CCDC85A: variants seen among roughly 807,000 people sequenced by gnomAD.
CCDC85A encodes coiled-coil domain-containing protein 85A.
Under a neutral mutation model 50.2 loss-of-function variants are expected in CCDC85A, and 38 were observed. The observed-to-expected ratio is 0.76, with a 90% CI of 0.58 to 0.99. The LOEUF is 0.99. Among genes scored for constraint, CCDC85A ranks in the 50% least tolerant of loss-of-function variants. CCDC85A has a pLI of 0.00. For missense variants in CCDC85A, 820 were observed against 742.0 expected, an observed-to-expected ratio of 1.11 and a Z score of -1.22; for synonymous variants, 366 against 301.4, an observed-to-expected ratio of 1.21 and a Z score of -2.22.
intron 3 of CCDC85A, among the ~76,000 whole-genome samples, chr2:56,349,839 A>G (rs1248057405): frequency 1.1e-4 from 16 of 152,054 alleles, no homozygotes; most frequent in Non-Finnish European, 1.5e-5. Flanking sequence ...TACATTCAAA[A>G]CTTTTTTTAT....
At chr2:56,318,004 T>A (rs1417993486) in intron 2 of CCDC85A, among the ~76,000 whole-genome samples, 1 of 152,102 alleles carries the variant, frequency 6.6e-6, no homozygotes, top group African/African-American at 2.4e-5. Flanking sequence ...ACACCTTCTT[T>A]TAGCATTTTT....
At chr2:56,361,588 A>G (rs769765364) in intron 3 of CCDC85A, among the ~76,000 whole-genome samples, 24 of 152,224 alleles carry the variant, frequency 1.6e-4, no homozygotes, top group Non-Finnish European at 3.1e-4. Flanking sequence ...ATCTGAGGAG[A>G]CTTGAATAAA....
chr2:56,385,627 G>T lies in CCDC85A; in HGVS notation c.*1272G>T, dbSNP rs879799422. The T allele has an allele frequency of 6.6e-6, 1 of 152,036 alleles. No homozygotes were observed. The highest frequency in any genetic ancestry group is 6.6e-5 in the Admixed American group (1 of 15,158). The allele number at this position is 152,036 out of a possible 1,614,324, so 9.4% of individuals were successfully genotyped here. A position where few individuals can be genotyped will look rare whatever the true frequency, so the allele number is the denominator to read the frequency against. ...GCAACAATTCCCAGTTTTTGGATAG[G>T]TTCTAAATTTCTGAGATTTGATTCA... On this transcript the variant is annotated 3_prime_UTR_variant, in exon 6 of 6. Transcript: ENST00000407595.
intron 1 of CCDC85A, among the ~76,000 whole-genome samples, chr2:56,191,120 T>A (rs1676279153): frequency 2.0e-5 from 3 of 152,228 alleles, no homozygotes; most frequent in Admixed American, 6.5e-5. Context: ...GGGATCATCT[T>A]CACTCAAATG....
At chr2:56,306,561 A>G (rs1334754137) in intron 2 of CCDC85A, among the ~76,000 whole-genome samples, 1 of 152,216 alleles carries the variant, frequency 6.6e-6, no homozygotes, top group Non-Finnish European at 1.5e-5. Flanking sequence ...GGGTTTCTCA[A>G]TTAATGACAT....
At chr2:56,341,244 C>A (rs759067572) in intron 2 of CCDC85A, among the ~76,000 whole-genome samples, 71 of 152,184 alleles carry the variant, frequency 4.7e-4, no homozygotes, top group Non-Finnish European at 7.9e-4. Flanking sequence ...ACGCTTGAGA[C>A]CACTCGCCCA....
chr2:56,214,827 T>C (rs1193645299), intron 2 of CCDC85A, among the ~76,000 whole-genome samples: 2 of 151,976 alleles, frequency 1.3e-5, no homozygotes, highest in African/African-American at 2.4e-5. Context: ...TCCAAATTTG[T>C]TCTTCTGTAT....
intron 2 of CCDC85A, among the ~76,000 whole-genome samples, chr2:56,341,172 G>A (rs76250813): frequency 0.13 from 19,317 of 152,138 alleles, 1,345 homozygotes; most frequent in East Asian, 0.3. Flanking sequence ...TCCCTTAGCC[G>A]TCTCGCATTT....
chr2:56,221,726 C>A (rs565183637), intron 2 of CCDC85A, among the ~76,000 whole-genome samples: 1 of 152,164 alleles, frequency 6.6e-6, no homozygotes, highest in Non-Finnish European at 1.5e-5. Context: ...AAAACAGAAT[C>A]ATAAAAATCT....
chr2:56,375,095 T>C (rs1676269687), intron 4 of CCDC85A, among the ~76,000 whole-genome samples: 2 of 152,198 alleles, frequency 1.3e-5, no homozygotes, highest in African/African-American at 4.8e-5. Flanking sequence ...TCCATTAGTC[T>C]TCCCCCAAGC....
At chr2:56,367,555 T>C (rs1675859066) in intron 3 of CCDC85A, among the ~76,000 whole-genome samples, 1 of 152,100 alleles carries the variant, frequency 6.6e-6, no homozygotes, top group Admixed American at 6.6e-5. Flanking sequence ...AATCCTTTCT[T>C]TGTGAGGGGT....
At chr2:56,373,587 AG>A (rs1178717115) in intron 4 of CCDC85A, among the ~76,000 whole-genome samples, 1 of 152,198 alleles carries the variant, frequency 6.6e-6, no homozygotes, top group African/African-American at 2.4e-5. Context: ...TCTTTTTACC[AG>A]GTCTGGAAAG....
intron 2 of CCDC85A, among the ~76,000 whole-genome samples, chr2:56,341,281 G>T (rs977529186): frequency 5.3e-5 from 8 of 152,260 alleles, no homozygotes; most frequent in Admixed American, 2.6e-4. Context: ...TGGGGAAGTG[G>T]TAATCAACAG....
At chr2:56,252,886 A>G (rs932470266) in intron 2 of CCDC85A, among the ~76,000 whole-genome samples, 6 of 152,020 alleles carry the variant, frequency 3.9e-5, no homozygotes, top group Non-Finnish European at 7.4e-5. Context: ...ATCCCTCGGT[A>G]TTTTTAAAAG....
Position 56,386,093 on chromosome 2 carries a change from AT to A in CCDC85A, c.*1745del, listed in dbSNP as rs1203808010. 3.3e-5 allele frequency: 5 copies of A among 152,116 alleles called. No homozygotes were observed. Among genetic ancestry groups the A allele is most frequent in the East Asian group, 1.9e-4 (1 of 5,152 alleles). The allele number at this position is 152,116 out of a possible 1,614,324, so 9.4% of individuals were successfully genotyped here. A position where few individuals can be genotyped will look rare whatever the true frequency, so the allele number is the denominator to read the frequency against. On this transcript the variant is annotated 3_prime_UTR_variant, in exon 6 of 6. Coordinates refer to ENST00000407595, the MANE Select transcript of CCDC85A (RefSeq NM_001080433.2). ...TAAATTTTGATACTGTATTAAAACT[AT>A]TTTTTTAAAGTTCTGCATAAAATTG...
At chr2:56,265,862 A>C (rs1415904583) in intron 2 of CCDC85A, among the ~76,000 whole-genome samples, 1 of 152,208 alleles carries the variant, frequency 6.6e-6, no homozygotes, top group African/African-American at 2.4e-5. Context: ...TTATAGCACT[A>C]TTCATAGTAG....
At chr2:56,207,758 A>G (rs1052838054) in intron 2 of CCDC85A, among the ~76,000 whole-genome samples, 6 of 152,170 alleles carry the variant, frequency 3.9e-5, no homozygotes, top group South Asian at 2.1e-4. Context: ...GAAACAAAAT[A>G]TAAATTCTTT....
At chr2:56,370,608 A>G (rs1252949085) in intron 3 of CCDC85A, among the ~76,000 whole-genome samples, 1 of 152,140 alleles carries the variant, frequency 6.6e-6, no homozygotes, top group Non-Finnish European at 1.5e-5. Context: ...TAATACTTAA[A>G]GTATAGCTAT....
chr2:56,330,863 C>T (rs1673754787), intron 2 of CCDC85A, among the ~76,000 whole-genome samples: 1 of 152,140 alleles, frequency 6.6e-6, no homozygotes, highest in Non-Finnish European at 1.5e-5. Context: ...CTAGTACTCC[C>T]ACTACTTGGT....
Sources: allele counts gnomAD v4.1 joint callset (sites outside exome capture counted in the v4.1 genomes callset), GRCh38; gene constraint gnomAD v4.1.1; transcripts MANE v1.5; gene names NCBI Gene and HGNC (gene_info 2026-07-23, HGNC 2026-07-21).